CYB5B: variants seen among roughly 807,000 people sequenced by gnomAD.
The protein encoded by CYB5B is cytochrome b5 type B (outer mitochondrial membrane).
A neutral mutation model predicts 21.3 loss-of-function variants in CYB5B; 14 were observed. The observed-to-expected ratio is 0.66, with a 90% CI of 0.43 to 1.03. The LOEUF (loss-of-function observed/expected upper bound fraction) is 1.03, where lower values mean the gene tolerates loss of function less well. Ranked by LOEUF, CYB5B falls within the 50% of genes least tolerant of loss-of-function variation. CYB5B has a pLI of 0.00. For missense variants in CYB5B, 166 were observed against 185.1 expected (o/e 0.90, Z 0.60); for synonymous variants, 69 against 68.4 (o/e 1.01, Z -0.04).
At position 69,462,523 on chromosome 16, in the gene CYB5B, AG is replaced by A; in HGVS notation, c.*5del. 6.2e-7 allele frequency: 1 copy of A among 1,613,332 alleles called. No individual in the cohort carries two copies. The highest frequency in any genetic ancestry group is 8.5e-7 in the Non-Finnish European group (1 of 1,179,404). On this transcript the variant is annotated 3_prime_UTR_variant, in exon 5 of 5. Transcript: ENST00000307892. ...CATCGGAAAGCAAATCCTCCTGAGG[AG>A]GCCTTGCTGAAGTTAGAAAGTGCAT...
At chr16:69,435,239 A>G (rs970826449) in intron 1 of CYB5B, among the ~76,000 whole-genome samples, 2 of 152,236 alleles carry the variant, frequency 1.3e-5, no homozygotes, top group Non-Finnish European at 2.9e-5. Flanking sequence ...AAGTAATTTA[A>G]ATAATGCATA....
intron 1 of CYB5B, among the ~76,000 whole-genome samples, chr16:69,425,157 A>G (rs1271508366): frequency 7.2e-5 from 11 of 152,190 alleles, no homozygotes; most frequent in Admixed American, 7.2e-4. Context: ...CAGAAAGGGA[A>G]ACTGAGGCTC....
At position 69,464,244 on chromosome 16, in the gene CYB5B, T is replaced by C. The variant is rs904242378; in HGVS notation, c.*1724T>C. 2 of 152,234 alleles carry C rather than the reference T, an allele frequency of 1.3e-5. No homozygotes were observed. The highest frequency in any genetic ancestry group is 4.8e-5 in the African/African-American group (2 of 41,470). 9.4% of individuals were successfully genotyped at this position (152,234 alleles called of 1,614,324 possible). On this transcript the variant is annotated 3_prime_UTR_variant, in exon 5 of 5. Coordinates refer to ENST00000307892, the MANE Select transcript of CYB5B (RefSeq NM_030579.3). The stretch of plus-strand genomic sequence containing the variant: ...CATCAAAATAATATTAACCTTGTAC[T>C]TGCACACTTGGATATATTTGGGAGT...
At chr16:69,440,872 T>C (rs2014814708) in intron 1 of CYB5B, among the ~76,000 whole-genome samples, 1 of 151,930 alleles carries the variant, frequency 6.6e-6, no homozygotes, top group Non-Finnish European at 1.5e-5. Flanking sequence ...TTGTCCAGGA[T>C]GGTCATGAAC....
At chr16:69,434,152 A>G (rs1390877492) in intron 1 of CYB5B, among the ~76,000 whole-genome samples, 1 of 152,136 alleles carries the variant, frequency 6.6e-6, no homozygotes, top group Non-Finnish European at 1.5e-5. Context: ...TCTTCTGTCT[A>G]GCTTCTTTTG....
chr16:69,455,664 T>A (rs759912307), intron 3 of CYB5B, among the ~76,000 whole-genome samples: 12 of 152,022 alleles, frequency 7.9e-5, no homozygotes, highest in Non-Finnish European at 1.5e-4. Context: ...CCTTGGCCTC[T>A]CATGTAATTC....
At chr16:69,428,883 G>A (rs1334959029) in intron 1 of CYB5B, among the ~76,000 whole-genome samples, 1 of 152,180 alleles carries the variant, frequency 6.6e-6, no homozygotes, top group Non-Finnish European at 1.5e-5. Flanking sequence ...ATGGGAGGAT[G>A]TCTGGTATGT....
At chr16:69,440,848 AGT>A (rs1377770627) in intron 1 of CYB5B, among the ~76,000 whole-genome samples, 1 of 149,820 alleles carries the variant, frequency 6.7e-6, no homozygotes, top group African/African-American at 2.5e-5. Flanking sequence ...TTAAAGAGAT[AGT>A]GTCTCACTAT....
intron 1 of CYB5B, among the ~76,000 whole-genome samples, chr16:69,442,129 C>T (rs1293092894): frequency 1.3e-5 from 1 of 78,448 alleles, no homozygotes; most frequent in African/African-American, 6.7e-5. Context: ...TATAAAAATG[C>T]AGGGTGCTTG....
At chr16:69,457,420 A>AT (rs1021268295) in intron 3 of CYB5B, among the ~76,000 whole-genome samples, 2 of 152,152 alleles carry the variant, frequency 1.3e-5, no homozygotes, top group African/African-American at 2.4e-5. Context: ...TAGTAACTAC[A>AT]TTTTTTGTCT....
chr16:69,462,583 G>A lies in CYB5B; in HGVS notation c.*63G>A. On this transcript the variant is annotated 3_prime_UTR_variant, in exon 5 of 5. Transcript: ENST00000307892. ...GGGCGAAAACTAGAGACTTGCTTGG[G>A]GGCTGCAGAAGTGCCCTCTCCTCGA... 7.1e-7 allele frequency: 1 copy of A among 1,412,030 alleles called. No individual in the cohort carries two copies. Among genetic ancestry groups the A allele is most frequent in the Non-Finnish European group, 1.0e-6 (1 of 1,002,652 alleles). 87.5% of individuals were successfully genotyped at this position (1,412,030 alleles called of 1,614,324 possible).
rs1276845236 is a variant in CYB5B at position 69,463,911 on chromosome 16, T to A, written c.*1391T>A. 2 of 152,174 alleles carry A rather than the reference T, an allele frequency of 1.3e-5. No homozygotes were observed. The highest frequency in any genetic ancestry group is 4.8e-5 in the African/African-American group (2 of 41,446). The allele number at this position is 152,174 out of a possible 1,614,324, so 9.4% of individuals were successfully genotyped here. ...TATTAGACTTTTATTTTTTCCCCCA[T>A]GGAAGCACTTGAGGAAATAAATAGT... On this transcript the variant is annotated 3_prime_UTR_variant, in exon 5 of 5. Transcript: ENST00000307892.
chr16:69,441,684 G>A (rs1209683565), intron 1 of CYB5B, among the ~76,000 whole-genome samples: 4 of 152,078 alleles, frequency 2.6e-5, no homozygotes, highest in South Asian at 2.1e-4. Context: ...AAAAAGTTAT[G>A]TAAACTCTTA....
chr16:69,461,325 T>G (rs2015034375), intron 4 of CYB5B, among the ~76,000 whole-genome samples: 1 of 152,234 alleles, frequency 6.6e-6, no homozygotes, highest in African/African-American at 2.4e-5. Context: ...ATTACTCTTA[T>G]CAGGAGATTA....
chr16:69,455,348 C>A (rs1317994502), intron 3 of CYB5B, among the ~76,000 whole-genome samples: 1 of 151,936 alleles, frequency 6.6e-6, no homozygotes, highest in African/African-American at 2.4e-5. Context: ...CACCCATTGA[C>A]CCCCACATCC....
intron 1 of CYB5B, chr16:69,443,664 G>C (rs560479137): frequency 2.0e-5 from 3 of 152,354 alleles, no homozygotes; most frequent in Non-Finnish European, 2.9e-5. Flanking sequence ...AGACCAGCCT[G>C]GCCAACGTGG....
chr16:69,439,881 G>A (rs1195086861), intron 1 of CYB5B, among the ~76,000 whole-genome samples: 1 of 151,678 alleles, frequency 6.6e-6, no homozygotes, highest in Non-Finnish European at 1.5e-5. Flanking sequence ...ACATTTGTTT[G>A]TTTTAAAGAC....
rs866405056 is a variant in CYB5B at position 69,455,457 on chromosome 16, G to A, written c.334-3636G>A. Among the ~76,000 whole-genome samples the A allele has an allele frequency of 3.3e-5, 5 of 149,364 alleles. No homozygotes were observed. The South Asian group carries it at 1.1e-3, about 32-fold the overall frequency. ...AAATCTCACTCTTGTCACCAGGCTG[G>A]AGTGCAACGGTGTGATCTCGGCTCA... is the stretch of plus-strand genomic sequence containing the variant. On this transcript the variant is annotated intron_variant, in intron 3 of 4. Transcript: ENST00000307892.
At chr16:69,441,593 C>T (rs2014824038) in intron 1 of CYB5B, among the ~76,000 whole-genome samples, 3 of 152,342 alleles carry the variant, frequency 2.0e-5, no homozygotes, top group Non-Finnish European at 4.4e-5. Flanking sequence ...TGCCACTTCC[C>T]TGGACATTTA....
Sources: allele counts gnomAD v4.1 joint callset (sites outside exome capture counted in the v4.1 genomes callset), GRCh38; gene constraint gnomAD v4.1.1; transcripts MANE v1.5; gene names NCBI Gene and HGNC (gene_info 2026-07-23, HGNC 2026-07-21).